The following FHIT variants were observed in gnomAD, a reference collection of about 807,000 sequenced individuals.
FHIT encodes the protein fragile histidine triad diadenosine triphosphatase.
A neutral mutation model predicts 17.9 loss-of-function variants in FHIT; 19 were observed. That is an observed-to-expected ratio of 1.06 (90% CI 0.74 to 1.56). The LOEUF is 1.56. Ranked by LOEUF, FHIT falls within the 40% of genes most tolerant of loss-of-function variation. FHIT has a pLI of 0.00. For missense variants in FHIT, 248 were observed against 189.2 expected, an observed-to-expected ratio of 1.31 and a Z score of -1.82; for synonymous variants, 81 against 69.7, an observed-to-expected ratio of 1.16 and a Z score of -0.81.
At chr3:60,761,907 TA>T (rs1553720070) in intron 4 of FHIT, among the ~76,000 whole-genome samples, 1 of 151,884 alleles carries the variant, frequency 6.6e-6, no homozygotes, top group Non-Finnish European at 1.5e-5. Flanking sequence ...TTTCTCTACT[TA>T]GCCCATCAGG....
intron 4 of FHIT, among the ~76,000 whole-genome samples, chr3:60,820,966 CTAT>C (rs10576663): frequency 6.7e-6 from 1 of 150,266 alleles, no homozygotes; most frequent in South Asian, 2.1e-4. Context: ...TACTTTCTTG[CTAT>C]TATTATTATT....
At chr3:60,681,956 G>A (rs1211094725) in intron 4 of FHIT, among the ~76,000 whole-genome samples, 3 of 151,506 alleles carry the variant, frequency 2.0e-5, no homozygotes, top group African/African-American at 7.3e-5. Context: ...AATGAAGGTG[G>A]CTACACTAAA....
intron 5 of FHIT, among the ~76,000 whole-genome samples, chr3:60,340,880 TGG>T (rs1710482031): frequency 6.6e-6 from 1 of 151,992 alleles, no homozygotes; most frequent in Admixed American, 6.6e-5. Flanking sequence ...TTAGTAGAGA[TGG>T]GGTTTCACTA....
intron 4 of FHIT, among the ~76,000 whole-genome samples, chr3:60,788,591 G>T (rs6797329): frequency 0.1 from 15,590 of 152,080 alleles, 1,082 homozygotes; most frequent in African/African-American, 0.19. Flanking sequence ...GGGGCTGAGG[G>T]TTGCCACAAA....
chr3:60,736,044 AC>A (rs111977817), intron 4 of FHIT, among the ~76,000 whole-genome samples: 3,780 of 152,286 alleles, frequency 0.025, 177 homozygotes, highest in African/African-American at 0.085. Context: ...ACATGAAAAA[AC>A]TGTTGAACAT....
intron 5 of FHIT, among the ~76,000 whole-genome samples, chr3:60,441,773 TATGTATAAAA>T (rs1466640971): frequency 6.7e-3 from 26 of 3,880 alleles, no homozygotes; most frequent in African/African-American, 0.011. Flanking sequence ...TATATATTTA[TATGTATAAAA>T]ATATATATAT....
At chr3:60,320,601 G>C (rs748287043) in intron 5 of FHIT, among the ~76,000 whole-genome samples, 2 of 152,072 alleles carry the variant, frequency 1.3e-5, no homozygotes, top group Admixed American at 6.6e-5. Flanking sequence ...TGTCACATTC[G>C]AATTGGGTAG....
At chr3:60,009,478 T>A (rs1700059680) in intron 7 of FHIT, among the ~76,000 whole-genome samples, 1 of 152,074 alleles carries the variant, frequency 6.6e-6, no homozygotes, top group South Asian at 2.1e-4. Context: ...TAGTCCATCA[T>A]CATCACCATC....
At chr3:60,776,188 A>G (rs1700212692) in intron 4 of FHIT, among the ~76,000 whole-genome samples, 1 of 152,146 alleles carries the variant, frequency 6.6e-6, no homozygotes, top group South Asian at 2.1e-4. Flanking sequence ...TTTGTTTAGC[A>G]AAGCCTTGAG....
chr3:60,003,072 A>G (rs899460047), intron 7 of FHIT, among the ~76,000 whole-genome samples: 1 of 152,178 alleles, frequency 6.6e-6, no homozygotes, highest in African/African-American at 2.4e-5. Context: ...AAGTGCTTCA[A>G]ATGGGGCCCT....
intron 5 of FHIT, among the ~76,000 whole-genome samples, chr3:60,362,142 G>C (rs1370433072): frequency 6.6e-6 from 1 of 152,062 alleles, no homozygotes; most frequent in African/African-American, 2.4e-5. Flanking sequence ...TATATAGATA[G>C]TGAAATGGTT....
At chr3:61,092,495 C>T (rs1357402161) in intron 2 of FHIT, among the ~76,000 whole-genome samples, 3 of 149,082 alleles carry the variant, frequency 2.0e-5, no homozygotes, top group Non-Finnish European at 3.0e-5. Context: ...TATATATGTC[C>T]CTTAAAAATA....
intron 2 of FHIT, among the ~76,000 whole-genome samples, chr3:61,105,605 C>G (rs1179638224): frequency 6.6e-6 from 1 of 151,972 alleles, no homozygotes; most frequent in East Asian, 1.9e-4. Flanking sequence ...TGGCCCAAAG[C>G]AAAAAAGTCT....
At chr3:60,939,482 A>AATC (rs1708322392) in intron 3 of FHIT, among the ~76,000 whole-genome samples, 1 of 152,168 alleles carries the variant, frequency 6.6e-6, no homozygotes, top group Admixed American at 6.5e-5. Context: ...CAGAATCCAG[A>AATC]CATCCATTCA....
chr3:60,534,194 G>A lies in FHIT; in HGVS notation c.103+2666C>T, dbSNP rs541887768. 8.6e-5 allele frequency among the ~76,000 whole-genome samples: 13 copies of A among 151,074 alleles called. No individual in the cohort carries two copies. In the East Asian group the frequency reaches 1.6e-3, roughly 18 times the overall value. ...TGTAATCCCAGCACTTTGGGAGGCC[G>A]AGGCGGGTGGATCATGAGGTCAGGA... On this transcript the variant is annotated intron_variant, in intron 5 of 9. Transcript: ENST00000492590.
intron 5 of FHIT, among the ~76,000 whole-genome samples, chr3:60,426,161 T>C (rs908316320): frequency 1.3e-5 from 2 of 152,162 alleles, no homozygotes; most frequent in Admixed American, 6.6e-5. Flanking sequence ...TTGGACTAGT[T>C]ATGAGTCTTT....
intron 3 of FHIT, among the ~76,000 whole-genome samples, chr3:60,826,437 C>T (rs934463197): frequency 1.3e-5 from 2 of 152,222 alleles, no homozygotes; most frequent in Non-Finnish European, 2.9e-5. Flanking sequence ...AGCGATTCTC[C>T]TGCCTCAGCC....
chr3:60,280,172 C>T (rs1304385648), intron 5 of FHIT, among the ~76,000 whole-genome samples: 1 of 152,034 alleles, frequency 6.6e-6, no homozygotes. Context: ...ATCCCACACT[C>T]ATTTATGAGT....
chr3:60,532,206 A>G (rs2035812046), intron 5 of FHIT, among the ~76,000 whole-genome samples: 1 of 152,176 alleles, frequency 6.6e-6, no homozygotes, highest in South Asian at 2.1e-4. Context: ...TTCATCCACA[A>G]ATGTTGCTGT....
Sources: gnomAD v4.1 joint callset for allele counts (sites outside exome capture counted in the v4.1 genomes callset) on GRCh38, gnomAD v4.1.1 for gene constraint, MANE v1.5 for transcripts, NCBI Gene and HGNC (gene_info 2026-07-23, HGNC 2026-07-21) for gene names.